Variants in SETD9 observed in about 807,000 individuals in gnomAD.
SETD9 encodes the protein SET domain-containing protein 9.
Under a neutral mutation model 36.4 loss-of-function variants are expected in SETD9, and 37 were observed. The ratio of observed to expected loss-of-function variants is 1.02; its 90% CI spans 0.78 to 1.34. SETD9 has a LOEUF of 1.34. SETD9 is among the 40% of genes most tolerant of loss of function. The pLI, the probability that SETD9 is intolerant of heterozygous loss-of-function variation, is 0.00. For synonymous variants in SETD9, 128 were observed against 132.9 expected (o/e 0.96, Z 0.26); for missense variants, 323 against 353.2 (o/e 0.91, Z 0.69).
chr5:56,924,768 C>G (rs901970871), intron 5 of SETD9, among the ~76,000 whole-genome samples: 2 of 152,166 alleles, frequency 1.3e-5, no homozygotes, highest in Non-Finnish European at 2.9e-5. Context: ...GATGTATGAA[C>G]AAAATTCTTC....
exon 6 of SETD9, chr5:56,925,336 A>G (rs1454122010): frequency 2.2e-6 from 1 of 455,042 alleles, no homozygotes; most frequent in Non-Finnish European, 4.4e-6. Flanking sequence ...TTTACAGGTG[A>G]CATGACTGTC....
intron 5 of SETD9, among the ~76,000 whole-genome samples, chr5:56,915,563 A>G (rs887118739): frequency 2.0e-5 from 3 of 152,208 alleles, no homozygotes; most frequent in African/African-American, 7.2e-5. Context: ...GGAAGATACA[A>G]TCTTTGTATT....
At chr5:56,923,328 C>T in intron 5 of SETD9, 1 of 1,614,130 alleles carries the variant, frequency 6.2e-7, no homozygotes, top group Non-Finnish European at 8.5e-7. Context: ...ACGGCAATGC[C>T]CATTTTCAAT....
rs757716929 is a variant in SETD9 at position 56,923,610 on chromosome 5, A to G, written c.813-1723A>G. On this transcript the variant is annotated intron_variant, in intron 5 of 5. Coordinates refer to the SETD9 transcript ENST00000628593. ...GCTAAAAAGGAATGGAAAATTGTTT[A>G]AGTAAGTGGTCCTATGACATCAAAC... 2.3e-5 allele frequency: 37 copies of G among 1,611,404 alleles called. No homozygotes were observed. In the Admixed American group the frequency reaches 6.0e-4, roughly 26 times the overall value.
At chr5:56,923,749 C>T in intron 5 of SETD9, 1 of 1,614,176 alleles carries the variant, frequency 6.2e-7, no homozygotes, top group Non-Finnish European at 8.5e-7. Context: ...CAGGAATAGG[C>T]TCAGGCCGGT....
At position 56,909,737 on chromosome 5, in the gene SETD9, A is replaced by G. The variant is rs779892233; in HGVS notation, c.92A>G (p.Asn31Ser). 2.5e-6 allele frequency: 4 copies of G among 1,609,758 alleles called. No individual in the cohort carries two copies. The highest frequency in any genetic ancestry group is 2.2e-5 in the East Asian group (1 of 44,526). Residue 31 changes from asparagine (N) to serine (S), a missense_variant, in exon 1 of 6, where the codon AAC (asparagine) becomes AGC (serine). Transcript: ENST00000285947. ...VPWIALNLSH[N>S]PRTLRYVPEE... Reference sequence around the variant, plus strand: ...TGGATCGCACTGAACCTAAGCCACAACCCGAGGTGAGAGGGCGGGACGGCA... The same window carrying G: ...TGGATCGCACTGAACCTAAGCCACAGCCCGAGGTGAGAGGGCGGGACGGCA...
At chr5:56,923,873 C>G (rs1187656625) in intron 5 of SETD9, 1 of 1,613,992 alleles carries the variant, frequency 6.2e-7, no homozygotes, top group Non-Finnish European at 8.5e-7. Context: ...CTATATATTA[C>G]AGTTAAAAGT....
chr5:56,919,577 G>A (rs1749567169), downstream of SETD9: 1 of 152,098 alleles, frequency 6.6e-6, no homozygotes, highest in Non-Finnish European at 1.5e-5. Flanking sequence ...TGTATTTTTG[G>A]CAAATATTCA....
chr5:56,925,766 G>A (rs1194745908), downstream of SETD9, among the ~76,000 whole-genome samples: 2 of 151,952 alleles, frequency 1.3e-5, no homozygotes, highest in Middle Eastern at 3.4e-3. Context: ...TATATGGAAA[G>A]GCAAAATACC....
At chr5:56,915,083 C>T in intron 5 of SETD9, 117 bp downstream of exon 5, 1 of 605,684 alleles carries the variant, frequency 1.7e-6, no homozygotes, top group Non-Finnish European at 2.6e-6. Context: ...AAAATTATAA[C>T]TCAGATTTTT....
chr5:56,927,104 AG>A (rs1750025082), downstream of SETD9, among the ~76,000 whole-genome samples: 1 of 149,946 alleles, frequency 6.7e-6, no homozygotes, highest in Non-Finnish European at 1.5e-5. Context: ...GAAGGGACAG[AG>A]GGAAGAATAA....
rs1749104804 is a variant in SETD9, at chr5:56,911,251, C to T, written c.181C>T (p.Gln61Ter). Residue 61 changes from glutamine (Q) to a stop codon, truncating the protein, a stop_gained, in exon 2 of 6, where the codon CAG (glutamine) becomes TAG (stop). Coordinates refer to ENST00000285947, the MANE Select transcript of SETD9 (RefSeq NM_153706.4). LOFTEE classifies it high-confidence loss of function. ...DVLGTLLKVF[Q>*]ALFLNDFNKQ... ...CCTAGGAACATTACTGAAAGTTTTC[C>T]AGGCTCTATTCTTAAATGATTTCAA... 14 of 1,606,806 alleles carry T rather than the reference C, an allele frequency of 8.7e-6. No homozygotes were observed. The highest frequency in any genetic ancestry group is 1.2e-5 in the Non-Finnish European group (14 of 1,177,410).
chr5:56,914,369 T>C (rs948365634), intron 4 of SETD9, among the ~76,000 whole-genome samples: 1 of 152,190 alleles, frequency 6.6e-6, no homozygotes, highest in African/African-American at 2.4e-5. Flanking sequence ...CCTATCTATA[T>C]CTTCTTTAGG....
chr5:56,911,314 G>A lies in SETD9; in HGVS notation c.244G>A (p.Val82Ile), dbSNP rs755904797. The change falls in exon 2 of 6, where the codon GTT becomes ATT. Residue 82 changes from valine (V) to isoleucine (I), a missense_variant. By Grantham distance (29) the Val-to-Ile change is conservative. Coordinates refer to ENST00000285947, the MANE Select transcript of SETD9 (RefSeq NM_153706.4). Reference protein sequence around the residue: ...SEILSMLPESVKSKYQDLLAV... With the variant: ...SEILSMLPESIKSKYQDLLAV... The stretch of plus-strand genomic sequence containing the variant: ...AATCTTGTCTATGCTTCCAGAATCT[G>A]TTAAATCAAAATATCAAGACCTACT... 11 of 1,611,686 alleles carry A rather than the reference G, an allele frequency of 6.8e-6. No homozygotes were observed. Among genetic ancestry groups the A allele is most frequent in the Non-Finnish European group, 9.3e-6 (11 of 1,179,224 alleles).
Position 56,910,219 on chromosome 5 carries a change from G to C in SETD9, c.98+476G>C, listed in dbSNP as rs1019993333. The C allele has an allele frequency of 5.5e-6, 7 of 1,284,170 alleles. No homozygotes were observed. In the African/African-American group the frequency reaches 1.1e-4, roughly 20 times the overall value. 79.5% of individuals were successfully genotyped at this position (1,284,170 alleles called of 1,614,324 possible). ...TTTTTCTCCACCAGGGGTTAATTAG[G>C]TGCTTGAACTTCCTCAGAAAAGCCA... On this transcript the variant is annotated intron_variant, in intron 1 of 5. Coordinates refer to ENST00000285947, the MANE Select transcript of SETD9 (RefSeq NM_153706.4).
rs1039713920 is a variant in SETD9 at position 56,916,885 on chromosome 5, T to G, written c.883T>G (p.Tyr295Asp). The change falls in exon 6 of 6, where the codon TAC (tyrosine) becomes GAC (aspartate). Residue 295 changes from tyrosine to aspartate, a missense_variant. Transcript: ENST00000285947. ...AGGAGAAGAGCTTTTTTCAAACTAC[T>G]ACACAATTGTCAGCTAACTCTGTGA... ...NQGEELFSNY[Y>D]TIVS is the part of the protein sequence containing the mutation. The G allele has an allele frequency of 6.2e-7, 1 of 1,603,928 alleles. No individual in the cohort carries two copies. The highest frequency in any genetic ancestry group is 1.3e-5 in the African/African-American group (1 of 74,654).
chr5:56,911,096 C>T, intron 1 of SETD9, 73 bp from the exon 2 acceptor site: 1 of 1,482,202 alleles, frequency 6.7e-7, no homozygotes, highest in Non-Finnish European at 9.0e-7. Context: ...AGGCCAGGAA[C>T]CCAGAAGTTA....
At chr5:56,925,800 G>A (rs1337778171), downstream of SETD9, among the ~76,000 whole-genome samples, 1 of 151,202 alleles carries the variant, frequency 6.6e-6, no homozygotes, top group Non-Finnish European at 1.5e-5. Context: ...ATAGTATTAC[G>A]AAAAGATAAA....
rs771304531 is a variant in SETD9 at position 56,917,219 on chromosome 5, TGTG to T, written c.*323_*325del. On this transcript the variant is annotated 3_prime_UTR_variant, in exon 6 of 6. Transcript: ENST00000285947. ...TTTCTTTTGTTTATTTTGTAAGCTC[TGTG>T]GTGGTTTATAAAATTGTAGCCAGGC... 1.9e-5 allele frequency: 20 copies of T among 1,053,812 alleles called. No individual in the cohort carries two copies. The highest frequency in any genetic ancestry group is 5.9e-5 in the Admixed American group (1 of 17,058). 65.3% of individuals were successfully genotyped at this position (1,053,812 alleles called of 1,614,324 possible).
Sources: allele counts gnomAD v4.1 joint callset (sites outside exome capture counted in the v4.1 genomes callset), GRCh38; gene constraint gnomAD v4.1.1; transcripts MANE v1.5; gene names NCBI Gene and HGNC (gene_info 2026-07-23, HGNC 2026-07-21).